ADARB2: variants seen among roughly 807,000 people sequenced by gnomAD.
ADARB2 encodes adenosine deaminase RNA specific B2 (inactive), also known as inactive double-stranded RNA-specific editase B2.
In ADARB2, 25 loss-of-function variants were observed where a neutral mutation model predicts 62.2. The observed-to-expected ratio is 0.40, with a 90% CI of 0.29 to 0.56. ADARB2 has a LOEUF of 0.56. ADARB2 is among the 20% of genes least tolerant of loss of function. The probability of loss-of-function intolerance (pLI) is 0.43; values close to 1 mark genes in which losing one functional copy is unlikely to be tolerated. For missense variants in ADARB2, 1,071 were observed against 1,077.4 expected (o/e 0.99, Z 0.08); for synonymous variants, 572 against 500.8 (o/e 1.14, Z -1.90).
intron 1 of ADARB2, among the ~76,000 whole-genome samples, chr10:1,569,067 A>G (rs539204296): frequency 6.6e-6 from 1 of 151,112 alleles, no homozygotes; most frequent in African/African-American, 2.4e-5. Context: ...AGAAAGAGAG[A>G]CAGAGACAGA....
At chr10:1,688,604 G>A (rs1040111786) in intron 1 of ADARB2, among the ~76,000 whole-genome samples, 9 of 152,040 alleles carry the variant, frequency 5.9e-5, no homozygotes, top group South Asian at 2.1e-4. Flanking sequence ...CCCGCCCCCC[G>A]CCTGGCCTTC....
chr10:1,575,214 T>G (rs534143967), intron 1 of ADARB2, among the ~76,000 whole-genome samples: 2 of 151,438 alleles, frequency 1.3e-5, no homozygotes, highest in African/African-American at 4.9e-5. Context: ...TTGGATTTTA[T>G]GAACAGAGCA....
At chr10:1,532,191 G>A (rs574973640) in intron 1 of ADARB2, among the ~76,000 whole-genome samples, 56 of 152,042 alleles carry the variant, frequency 3.7e-4, no homozygotes, top group Middle Eastern at 6.8e-3. Context: ...TCTGGATGGC[G>A]TTTTCCTGTA....
At chr10:1,525,203 G>A (rs1350293439) in intron 1 of ADARB2, among the ~76,000 whole-genome samples, 2 of 152,114 alleles carry the variant, frequency 1.3e-5, no homozygotes, top group African/African-American at 4.8e-5. Flanking sequence ...TGTATGTTTG[G>A]GGGAGGAGGA....
At chr10:1,412,799 G>A (rs1012360688) in intron 1 of ADARB2, among the ~76,000 whole-genome samples, 4 of 152,176 alleles carry the variant, frequency 2.6e-5, no homozygotes, top group African/African-American at 9.7e-5. Flanking sequence ...GCTTCTCTAC[G>A]TCTCAATTTT....
At chr10:1,452,269 A>G (rs909183813) in intron 1 of ADARB2, among the ~76,000 whole-genome samples, 1 of 152,176 alleles carries the variant, frequency 6.6e-6, no homozygotes, top group African/African-American at 2.4e-5. Flanking sequence ...TCGCACATGT[A>G]AATCTAAGTC....
In ADARB2 at chr10:1,308,248, C is replaced by A. The variant is rs926489953; in HGVS notation, c.1078-37179G>T. Among the ~76,000 whole-genome samples, 8 of 152,224 alleles carry A rather than the reference C, an allele frequency of 5.3e-5. No individual in the cohort carries two copies. The South Asian group carries it at 1.7e-3, about 32-fold the overall frequency. ...ATGGTCTTGCCTTTTCCAGAATGTC[C>A]TGTAGATGGAATCATACAACATGTA... On this transcript the variant is annotated intron_variant, in intron 3 of 9. Transcript: ENST00000381312.
At chr10:1,328,284 G>A (rs1831895555) in intron 3 of ADARB2, among the ~76,000 whole-genome samples, 1 of 152,220 alleles carries the variant, frequency 6.6e-6, no homozygotes, top group Non-Finnish European at 1.5e-5. Context: ...AGTCAACGAA[G>A]GGCAGCATCC....
intron 3 of ADARB2, among the ~76,000 whole-genome samples, chr10:1,275,438 C>T (rs1831306056): frequency 6.6e-6 from 1 of 152,234 alleles, no homozygotes; most frequent in Non-Finnish European, 1.5e-5. Context: ...ATGGCGCCCT[C>T]AAGGGCAGGG....
intron 1 of ADARB2, among the ~76,000 whole-genome samples, chr10:1,466,616 G>T (rs1299808837): frequency 1.3e-5 from 2 of 151,846 alleles, no homozygotes; most frequent in African/African-American, 2.4e-5. Context: ...AGAGAGGAGG[G>T]GCCCCTCTCA....
chr10:1,184,727 G>T, intron 9 of ADARB2, 134 bp downstream of exon 9: 1 of 1,037,742 alleles, frequency 9.6e-7, no homozygotes, highest in Non-Finnish European at 1.3e-6. Context: ...GCTGGGAAAA[G>T]GACATGTGAT....
At chr10:1,572,301 T>C (rs78089480) in intron 1 of ADARB2, among the ~76,000 whole-genome samples, 1,770 of 145,318 alleles carry the variant, frequency 0.012, 16 homozygotes, top group Middle Eastern at 0.036. Flanking sequence ...ACAGGTGAGC[T>C]TGCAGGTGCG....
chr10:1,366,074 T>G (rs76594993), intron 2 of ADARB2, among the ~76,000 whole-genome samples: 2 of 152,214 alleles, frequency 1.3e-5, no homozygotes, highest in Non-Finnish European at 2.9e-5. Flanking sequence ...CATGCAGCCA[T>G]GCGTCTGTGA....
intron 3 of ADARB2, among the ~76,000 whole-genome samples, chr10:1,277,834 A>G (rs1831332750): frequency 6.6e-6 from 1 of 152,232 alleles, no homozygotes; most frequent in Non-Finnish European, 1.5e-5. Flanking sequence ...TCCCTGATGA[A>G]CATTGATGCA....
At chr10:1,510,110 C>CTCTCTT (rs1554767637) in intron 1 of ADARB2, among the ~76,000 whole-genome samples, 18 of 106,252 alleles carry the variant, frequency 1.7e-4, no homozygotes, top group South Asian at 1.1e-3. Flanking sequence ...CTTTCTTTCT[C>CTCTCTT]TCTTTCTTTC....
At position 1,242,168 on chromosome 10, in the gene ADARB2, G is replaced by A; in HGVS notation, c.1324C>T (p.Leu442=). The change falls in exon 5 of 10, where the codon CTG becomes TTG. Residue 442 remains leucine, a synonymous_variant. Coordinates refer to ENST00000381312, the MANE Select transcript of ADARB2 (RefSeq NM_018702.4). The part of the protein sequence containing the change: ...HAEVVARRAF[L]HFLYTQLELH... ...TCCAGCTGCGTGTAGAGGAAGTGCA[G>A]GAACGCCCGCCGGGCCACGACCTCC... 6.2e-7 allele frequency: 1 copy of A among 1,610,490 alleles called. No individual in the cohort carries two copies. The highest frequency in any genetic ancestry group is 2.2e-5 in the East Asian group (1 of 44,798).
chr10:1,729,354 G>A (rs977191713), intron 1 of ADARB2, among the ~76,000 whole-genome samples: 1 of 152,116 alleles, frequency 6.6e-6, no homozygotes, highest in African/African-American at 2.4e-5. Flanking sequence ...CCTCAGTCCT[G>A]AACACAGTCT....
intron 3 of ADARB2, among the ~76,000 whole-genome samples, chr10:1,358,672 G>A (rs1307958570): frequency 6.6e-6 from 1 of 151,534 alleles, no homozygotes; most frequent in Non-Finnish European, 1.5e-5. Context: ...TTTAACATTT[G>A]TAGAAAGTCA....
At chr10:1,649,060 C>T (rs1414430569) in intron 1 of ADARB2, among the ~76,000 whole-genome samples, 1 of 152,198 alleles carries the variant, frequency 6.6e-6, no homozygotes, top group Non-Finnish European at 1.5e-5. Flanking sequence ...AGTGGATGCT[C>T]CGGTGAAGCT....
Sources: allele counts gnomAD v4.1 joint callset (sites outside exome capture counted in the v4.1 genomes callset), GRCh38; gene constraint gnomAD v4.1.1; transcripts MANE v1.5; gene names NCBI Gene and HGNC (gene_info 2026-07-23, HGNC 2026-07-21).